The following BIRC2 variants were observed in gnomAD, a reference collection of about 807,000 sequenced individuals.
The protein encoded by BIRC2 is baculoviral IAP repeat containing 2, also known as baculoviral IAP repeat-containing protein 2.
Under a neutral mutation model 60.9 loss-of-function variants are expected in BIRC2, and 18 were observed. That is an observed-to-expected ratio of 0.30 (90% CI 0.20 to 0.44). The LOEUF (loss-of-function observed/expected upper bound fraction) is 0.44, where lower values mean the gene tolerates loss of function less well. Ranked by LOEUF, BIRC2 falls within the 20% of genes least tolerant of loss-of-function variation. The pLI is 1.00. For missense variants in BIRC2, 701 were observed against 728.5 expected, an observed-to-expected ratio of 0.96 and a Z score of 0.43; for synonymous variants, 282 against 247.7, an observed-to-expected ratio of 1.14 and a Z score of -1.30.
At position 102,350,641 on chromosome 11, in the gene BIRC2, A is replaced by G; in HGVS notation, c.787A>G (p.Asn263Asp). 1 of 1,614,152 alleles carries G rather than the reference A, an allele frequency of 6.2e-7. No homozygotes were observed. Among genetic ancestry groups the G allele is most frequent in the South Asian group, 1.1e-5 (1 of 91,088 alleles). ...AGAAACTCTGAGGTTTAGCATTTCAAATCTGAGCATGCAGACACATGCAGC... is the reference window on the plus strand; with the variant it reads ...AGAAACTCTGAGGTTTAGCATTTCAGATCTGAGCATGCAGACACATGCAGC... ...SLETLRFSIS[N>D]LSMQTHAARM... The change falls in exon 2 of 9, where the codon AAT (asparagine) becomes GAT (aspartate). Residue 263 changes from asparagine (N) to aspartate (D), a missense_variant. Around this residue, in one of 4 missense-constraint regions of BIRC2, gnomAD observed 375 missense variants for 365.9 expected, o/e 1.02. Coordinates refer to ENST00000227758, the MANE Select transcript of BIRC2 (RefSeq NM_001166.5).
At chr11:102,356,482 C>T (rs1047290152) in intron 3 of BIRC2, among the ~76,000 whole-genome samples, 5 of 152,020 alleles carry the variant, frequency 3.3e-5, no homozygotes, top group African/African-American at 9.7e-5. Flanking sequence ...AGGCGTGAGC[C>T]ACTGCACCCG....
chr11:102,361,854 T>TC (rs1555047959), intron 3 of BIRC2, among the ~76,000 whole-genome samples: 3,155 of 151,128 alleles, frequency 0.021, 113 homozygotes, highest in African/African-American at 0.068. Flanking sequence ...TTTTTTTTTT[T>TC]CCCTTTATTG....
At position 102,378,145 on chromosome 11, in the gene BIRC2, G is replaced by T. The variant is rs766871379; in HGVS notation, c.1819G>T (p.Gly607Cys). 6.2e-7 allele frequency: 1 copy of T among 1,611,032 alleles called. No homozygotes were observed. The highest frequency in any genetic ancestry group is 8.5e-7 in the Non-Finnish European group (1 of 1,178,884). Residue 607 changes from glycine to cysteine, a missense_variant, in exon 9 of 9, where the codon GGT becomes TGT. Gly to Cys is a radical substitution (Grantham distance 159). This residue lies in a region of BIRC2 where 52 missense variants were observed against 83.9 expected (regional missense o/e 0.62). Coordinates refer to ENST00000227758, the MANE Select transcript of BIRC2 (RefSeq NM_001166.5). ...PSLRKCPICR[G>C]IIKGTVRTFL... ...TCTAAGAAAATGCCCTATTTGCAGG[G>T]GTATAATCAAGGGTACTGTTCGTAC...
At chr11:102,356,900 C>A (rs904889610) in intron 3 of BIRC2, among the ~76,000 whole-genome samples, 1 of 151,636 alleles carries the variant, frequency 6.6e-6, no homozygotes, top group African/African-American at 2.4e-5. Context: ...AAACTCCTGA[C>A]CTCAGGTGAT....
intron 3 of BIRC2, among the ~76,000 whole-genome samples, chr11:102,360,675 A>G (rs111911837): frequency 5.8e-4 from 84 of 144,476 alleles, no homozygotes; most frequent in African/African-American, 2.0e-3. Flanking sequence ...TTCTTTGCTA[A>G]TGTCACGTTT....
intron 6 of BIRC2, among the ~76,000 whole-genome samples, chr11:102,372,155 T>G (rs1407005527): frequency 2.0e-5 from 3 of 152,186 alleles, no homozygotes; most frequent in African/African-American, 7.2e-5. Flanking sequence ...GGTTTTTTTG[T>G]GTCTCTATTT....
At chr11:102,353,910 G>T (rs1243448506) in intron 3 of BIRC2, among the ~76,000 whole-genome samples, 1 of 151,960 alleles carries the variant, frequency 6.6e-6, no homozygotes, top group Non-Finnish European at 1.5e-5. Context: ...CAGTATAGTT[G>T]TCCCTTGGTA....
At chr11:102,374,821 T>TC (rs34971842) in intron 6 of BIRC2, among the ~76,000 whole-genome samples, 2 of 152,196 alleles carry the variant, frequency 1.3e-5, no homozygotes, top group African/African-American at 4.8e-5. Flanking sequence ...TCAGCGAGAC[T>TC]CCGTGGGCGT....
rs540617614 is a variant in BIRC2 at position 102,378,298 on chromosome 11, G to A, written c.*115G>A. The A allele has an allele frequency of 4.0e-5, 31 of 781,392 alleles. No individual in the cohort carries two copies. The highest frequency in any genetic ancestry group is 3.9e-4 in the African/African-American group (22 of 56,416). The allele number at this position is 781,392 out of a possible 1,614,324, so 48.4% of individuals were successfully genotyped here. On this transcript the variant is annotated 3_prime_UTR_variant, in exon 9 of 9. Coordinates refer to ENST00000227758, the MANE Select transcript of BIRC2 (RefSeq NM_001166.5). Reference sequence around the variant, plus strand: ...GAGTTTTTCAATTAGTAACATTCATGTTCTAGTCTGCTTTGGTACTAATAA... The same window carrying A: ...GAGTTTTTCAATTAGTAACATTCATATTCTAGTCTGCTTTGGTACTAATAA...
At chr11:102,368,872 A>T (rs926830246) in intron 6 of BIRC2, among the ~76,000 whole-genome samples, 5 of 152,068 alleles carry the variant, frequency 3.3e-5, no homozygotes, top group African/African-American at 9.7e-5. Flanking sequence ...TTGAAAAAGC[A>T]AGATGTTAAA....
intron 3 of BIRC2, among the ~76,000 whole-genome samples, chr11:102,361,355 G>T (rs527492821): frequency 5.5e-4 from 84 of 152,256 alleles, no homozygotes; most frequent in Middle Eastern, 3.4e-3. Context: ...TGTGTGATTA[G>T]AGCAGCCACA....
intron 3 of BIRC2, among the ~76,000 whole-genome samples, chr11:102,358,400 A>T (rs139269946): frequency 7.0e-4 from 106 of 152,300 alleles, no homozygotes; most frequent in African/African-American, 2.4e-3. Flanking sequence ...AGGTATTCCC[A>T]AATCTAAAAA....
intron 3 of BIRC2, among the ~76,000 whole-genome samples, chr11:102,359,712 A>G (rs1315725984): frequency 6.6e-6 from 1 of 152,188 alleles, no homozygotes; most frequent in Non-Finnish European, 1.5e-5. Flanking sequence ...TTGTGGTCTT[A>G]TAGGGTTTCT....
intron 3 of BIRC2, among the ~76,000 whole-genome samples, chr11:102,360,230 GTGC>G (rs1388212473): frequency 6.6e-6 from 1 of 152,246 alleles, no homozygotes; most frequent in East Asian, 1.9e-4. Flanking sequence ...ACCTCCCAAA[GTGC>G]TGGATTACAG....
rs185730927 is a variant in BIRC2 at position 102,351,484 on chromosome 11, G to A, written c.995+541G>A. 1.6e-3 allele frequency among the ~76,000 whole-genome samples: 247 copies of A among 151,922 alleles called. 1 individual carries two copies. Among genetic ancestry groups the A allele is most frequent in the African/African-American group, 5.2e-3 (217 of 41,434 alleles). ...ACAAAAACTAGCTGGGCGTGGTGGC[G>A]CGTGGCCGTAGTCCCAGCTTCTCGG... On this transcript the variant is annotated intron_variant, in intron 3 of 8. Coordinates refer to ENST00000227758, the MANE Select transcript of BIRC2 (RefSeq NM_001166.5).
chr11:102,374,749 G>A (rs1217534631), intron 6 of BIRC2, among the ~76,000 whole-genome samples: 2 of 152,224 alleles, frequency 1.3e-5, no homozygotes, highest in African/African-American at 2.4e-5. Context: ...GGCAATGGCG[G>A]GCGCCCCTCC....
At position 102,377,675 on chromosome 11, in the gene BIRC2, A is replaced by G. The variant is rs61754131; in HGVS notation, c.1546A>G (p.Lys516Glu). ...ARELIDTILV[K>E]GNAAANIFKN... ...AGAACTGATTGATACCATTTTGGTT[A>G]AAGGAAATGCTGCGGCCAACATCTT... The change falls in exon 7 of 9, where the codon AAA becomes GAA. Residue 516 changes from lysine to glutamate, a missense_variant. Around this residue, in one of 4 missense-constraint regions of BIRC2, gnomAD observed 235 missense variants for 208.9 expected, o/e 1.12. Coordinates refer to ENST00000227758, the MANE Select transcript of BIRC2 (RefSeq NM_001166.5). 1.8e-3 allele frequency: 2,949 copies of G among 1,611,734 alleles called. 2 individuals carry two copies. Among genetic ancestry groups the G allele is most frequent in the Non-Finnish European group, 2.1e-3 (2,418 of 1,179,482 alleles).
intron 5 of BIRC2, among the ~76,000 whole-genome samples, chr11:102,366,763 C>G (rs985529364): frequency 2.6e-5 from 4 of 152,184 alleles, no homozygotes; most frequent in South Asian, 4.1e-4. Context: ...AAAGTAACAT[C>G]TCCACCGAGC....
rs1951510506 is a variant in BIRC2, at chr11:102,363,654, CTCT to C, written c.1075-12_1075-10del. 1 of 1,608,818 alleles carries C rather than the reference CTCT, an allele frequency of 6.2e-7. No individual in the cohort carries two copies. Among genetic ancestry groups the C allele is most frequent in the Non-Finnish European group, 8.5e-7 (1 of 1,176,146 alleles). ...TATCTGCTTTTACCTATTAACTTTT[CTCT>C]TGTTTCATAGCTGTTGTCAACTTCA... is the stretch of plus-strand genomic sequence containing the variant. On this transcript the variant is annotated splice_polypyrimidine_tract_variant and intron_variant, in intron 4 of 8. Coordinates refer to ENST00000227758, the MANE Select transcript of BIRC2 (RefSeq NM_001166.5).
Sources: allele counts gnomAD v4.1 joint callset (sites outside exome capture counted in the v4.1 genomes callset), GRCh38; gene constraint gnomAD v4.1.1; regional missense constraint gnomAD v4.1.1; transcripts MANE v1.5; gene names NCBI Gene and HGNC (gene_info 2026-07-23, HGNC 2026-07-21).